PLEKHG7: variants seen among roughly 807,000 people sequenced by gnomAD.
The protein encoded by PLEKHG7 is pleckstrin homology domain-containing family G member 7.
A neutral mutation model predicts 85.2 loss-of-function variants in PLEKHG7; 77 were observed. That is an observed-to-expected ratio of 0.90 (90% CI 0.75 to 1.09). The LOEUF is 1.09. Among genes scored for constraint, PLEKHG7 ranks in the 50% least tolerant of loss-of-function variants. PLEKHG7 has a pLI of 0.00. For synonymous variants in PLEKHG7, 301 were observed against 302.4 expected, an observed-to-expected ratio of 1.00 and a Z score of 0.05; for missense variants, 777 against 804.3, an observed-to-expected ratio of 0.97 and a Z score of 0.41.
chr12:92,753,334 T>G (rs1872742627), intron 10 of PLEKHG7, among the ~76,000 whole-genome samples: 1 of 152,152 alleles, frequency 6.6e-6, no homozygotes, highest in African/African-American at 2.4e-5. Context: ...AAGCTCACAT[T>G]CAAAGAAACA....
chr12:92,745,075 A>G (rs1017254260), intron 9 of PLEKHG7, among the ~76,000 whole-genome samples: 1 of 152,218 alleles, frequency 6.6e-6, no homozygotes, highest in Non-Finnish European at 1.5e-5. Context: ...ATCACTTACT[A>G]TCAATACAAG....
chr12:92,770,326 A>C lies in PLEKHG7; in HGVS notation c.*131A>C, dbSNP rs1873371566. The C allele has an allele frequency of 9.5e-6, 7 of 735,314 alleles. 1 individual carries two copies. In the East Asian group the frequency reaches 2.0e-4, roughly 21 times the overall value. The allele number at this position is 735,314 out of a possible 1,614,324, so 45.5% of individuals were successfully genotyped here. A position where few individuals can be genotyped will look rare whatever the true frequency, so the allele number is the denominator to read the frequency against. ...CATTTTAAAGAAGTTTCAGAATTTGAAATTTTGAGCTAGGAAAATCCTCAG... is the reference window on the plus strand; with the variant it reads ...CATTTTAAAGAAGTTTCAGAATTTGCAATTTTGAGCTAGGAAAATCCTCAG... On this transcript the variant is annotated 3_prime_UTR_variant, in exon 17 of 17. Transcript: ENST00000344636.
At chr12:92,722,869 T>G (rs1220313972) in intron 3 of PLEKHG7, among the ~76,000 whole-genome samples, 1 of 152,228 alleles carries the variant, frequency 6.6e-6, no homozygotes, top group African/African-American at 2.4e-5. Flanking sequence ...TCAGATTCCA[T>G]GCTAACAGAT....
chr12:92,707,623 A>C (rs781696508), intron 2 of PLEKHG7, 27 bp from the exon 3 acceptor site: 2 of 1,610,602 alleles, frequency 1.2e-6, no homozygotes, highest in Non-Finnish European at 1.7e-6. Flanking sequence ...GCAAGACTAA[A>C]ACATATGTTC....
intron 1 of PLEKHG7, among the ~76,000 whole-genome samples, chr12:92,704,959 A>G (rs1428146091): frequency 6.6e-6 from 1 of 152,224 alleles, no homozygotes; most frequent in Non-Finnish European, 1.5e-5. Flanking sequence ...AAGTCACAAC[A>G]TTGTCATGAC....
intron 14 of PLEKHG7, among the ~76,000 whole-genome samples, chr12:92,763,792 C>T (rs1475694064): frequency 2.0e-5 from 3 of 152,070 alleles, no homozygotes; most frequent in South Asian, 2.1e-4. Context: ...GTACTCCAGC[C>T]TGGGTGACAG....
intron 3 of PLEKHG7, among the ~76,000 whole-genome samples, chr12:92,722,895 A>G (rs981591963): frequency 3.9e-5 from 6 of 152,236 alleles, no homozygotes; most frequent in Non-Finnish European, 8.8e-5. Flanking sequence ...TCGGTGATAT[A>G]TAAGATCCAG....
rs1592692202 is a variant in PLEKHG7 at position 92,769,224 on chromosome 12, A to G, written c.1968+144A>G. 13 of 606,544 alleles carry G rather than the reference A, an allele frequency of 2.1e-5. No individual in the cohort carries two copies. In the East Asian group the frequency reaches 3.8e-4, roughly 18 times the overall value. The allele number at this position is 606,544 out of a possible 1,614,324, so 37.6% of individuals were successfully genotyped here. On this transcript the variant is annotated intron_variant, in intron 16 of 16. Coordinates refer to ENST00000344636, the MANE Select transcript of PLEKHG7 (RefSeq NM_001377329.1). ...GCAGATTTGGGAGGAGGGGAGGGGT[A>G]CATCTAGTCCATATAATGCTCAAAA... is the stretch of plus-strand genomic sequence containing the variant.
rs1394199622 is a variant in PLEKHG7, at chr12:92,771,632, C to T, written c.*1437C>T. 1.3e-5 allele frequency: 2 copies of T among 151,784 alleles called. No homozygotes were observed. The highest frequency in any genetic ancestry group is 2.9e-5 in the Non-Finnish European group (2 of 67,868). The allele number at this position is 151,784 out of a possible 1,614,324, so 9.4% of individuals were successfully genotyped here. A position where few individuals can be genotyped will look rare whatever the true frequency, so the allele number is the denominator to read the frequency against. ...GGATGGGACTGAAAGCAGTTATGTC[C>T]AGGAGAATACAATATAGATTATGCA... On this transcript the variant is annotated 3_prime_UTR_variant, in exon 17 of 17. Coordinates refer to ENST00000344636, the MANE Select transcript of PLEKHG7 (RefSeq NM_001377329.1).
intron 4 of PLEKHG7, among the ~76,000 whole-genome samples, chr12:92,731,944 T>C (rs1235434983): frequency 6.6e-6 from 1 of 152,162 alleles, no homozygotes; most frequent in African/African-American, 2.4e-5. Context: ...ATAGATTTCC[T>C]TTCAAGCAAT....
chr12:92,741,401 C>A (rs76861457), intron 8 of PLEKHG7, 90 bp from the exon 9 acceptor site: 3 of 721,034 alleles, frequency 4.2e-6, no homozygotes, highest in African/African-American at 1.8e-5. Flanking sequence ...ATGGGAAACA[C>A]CTGTAAGAAT....
chr12:92,755,903 C>A lies in PLEKHG7; in HGVS notation c.1505C>A (p.Pro502Gln), dbSNP rs758928134. Residue 502 changes from proline to glutamine, a missense_variant, in exon 12 of 17, where the codon CCG becomes CAG. By Grantham distance (76) the Pro-to-Gln change is moderately conservative. Transcript: ENST00000344636. ...CTACAGGAGATTATAGTGTGGCCAC[C>A]GCTTTGGGATAGAGATAAAAGGTTT... ...RYLQEIIVWP[P>Q]LWDRDKRFFI... The A allele has an allele frequency of 1.9e-6, 3 of 1,612,904 alleles. No homozygotes were observed. The highest frequency in any genetic ancestry group is 3.3e-5 in the Admixed American group (2 of 59,836).
At chr12:92,726,131 C>T (rs576555040) in intron 3 of PLEKHG7, among the ~76,000 whole-genome samples, 16 of 152,184 alleles carry the variant, frequency 1.1e-4, no homozygotes, top group Middle Eastern at 3.4e-3. Context: ...AGGCAAGAGA[C>T]GAAAGTGCAG....
chr12:92,721,242 C>T (rs999846929), intron 3 of PLEKHG7, among the ~76,000 whole-genome samples: 1 of 152,178 alleles, frequency 6.6e-6, no homozygotes, highest in African/African-American at 2.4e-5. Flanking sequence ...ACTGGGGGAC[C>T]CATTTCCAGC....
chr12:92,753,743 T>G (rs1421951625), intron 10 of PLEKHG7, among the ~76,000 whole-genome samples: 1 of 152,204 alleles, frequency 6.6e-6, no homozygotes, highest in Admixed American at 6.5e-5. Context: ...GTCTCAATTC[T>G]CAATTGTCCT....
chr12:92,752,668 G>A (rs936112025), intron 10 of PLEKHG7, among the ~76,000 whole-genome samples: 1 of 152,178 alleles, frequency 6.6e-6, no homozygotes, highest in African/African-American at 2.4e-5. Flanking sequence ...GAGAATGAAA[G>A]GAGAATGGAA....
chr12:92,746,970 A>G (rs1339367258), intron 10 of PLEKHG7, among the ~76,000 whole-genome samples: 9 of 152,232 alleles, frequency 5.9e-5, no homozygotes. Context: ...ATTGGTCTAC[A>G]CAAATATTTT....
chr12:92,737,379 A>G lies in PLEKHG7; in HGVS notation c.797A>G (p.Asp266Gly). Residue 266 changes from aspartate (D) to glycine (G), a missense_variant and splice_region_variant, in exon 7 of 17, where the codon GAT (aspartate) becomes GGT (glycine). Coordinates refer to ENST00000344636, the MANE Select transcript of PLEKHG7 (RefSeq NM_001377329.1). ...TCTCTCTTTTTCCCTCATGTACAGG[A>G]TAAGACCTGGGATGAAGTCTTGGAA... Reference protein sequence around the residue: ...FRGYDFYGLKDKTWDEVLETH... With the variant: ...FRGYDFYGLKGKTWDEVLETH... 3 of 1,510,788 alleles carry G rather than the reference A, an allele frequency of 2.0e-6. No individual in the cohort carries two copies. Among genetic ancestry groups the G allele is most frequent in the Non-Finnish European group, 2.6e-6 (3 of 1,139,158 alleles). 93.6% of individuals were successfully genotyped at this position (1,510,788 alleles called of 1,614,324 possible).
chr12:92,722,122 C>G (rs1280675322), intron 3 of PLEKHG7, among the ~76,000 whole-genome samples: 1 of 151,712 alleles, frequency 6.6e-6, no homozygotes, highest in Non-Finnish European at 1.5e-5. Context: ...AGTTCGGATA[C>G]ACACTGCACC....
Sources: allele counts gnomAD v4.1 joint callset (sites outside exome capture counted in the v4.1 genomes callset), GRCh38; gene constraint gnomAD v4.1.1; transcripts MANE v1.5; gene names NCBI Gene and HGNC (gene_info 2026-07-23, HGNC 2026-07-21).